IGSF11: variants seen among roughly 807,000 people sequenced by gnomAD.
IGSF11 encodes immunoglobulin superfamily member 11, also known as CXADR like 1.
In IGSF11, 22 loss-of-function variants were observed where a neutral mutation model predicts 41.0. The ratio of observed to expected loss-of-function variants is 0.54; its 90% CI spans 0.38 to 0.77. The LOEUF (loss-of-function observed/expected upper bound fraction) is 0.77, where lower values mean the gene tolerates loss of function less well. IGSF11 is among the 30% of genes least tolerant of loss of function. IGSF11 has a pLI of 0.00. For missense variants in IGSF11, 444 were observed against 530.8 expected (o/e 0.84, Z 1.61); for synonymous variants, 219 against 201.3 (o/e 1.09, Z -0.74).
chr3:118,959,577 A>G (rs1298217086), intron 1 of IGSF11, among the ~76,000 whole-genome samples: 1 of 152,238 alleles, frequency 6.6e-6, no homozygotes, highest in African/African-American at 2.4e-5. Flanking sequence ...GTCACTGTTG[A>G]ATTCACAGAA....
chr3:118,946,993 C>T (rs1944197846), intron 1 of IGSF11: 1 of 152,138 alleles, frequency 6.6e-6, no homozygotes, highest in African/African-American at 2.4e-5. Flanking sequence ...TAGTAATTTC[C>T]TTCCAAATAA....
At chr3:118,953,915 A>AAC in intron 1 of IGSF11, among the ~76,000 whole-genome samples, 2 of 152,060 alleles carry the variant, frequency 1.3e-5, no homozygotes, top group Non-Finnish European at 2.9e-5. Context: ...ATTAAGTCCC[A>AAC]TCTATTTATC....
chr3:118,985,424 C>T (rs1171302117), intron 1 of IGSF11, among the ~76,000 whole-genome samples: 5 of 152,182 alleles, frequency 3.3e-5, no homozygotes, highest in Admixed American at 3.3e-4. Flanking sequence ...TTGTTTCTAA[C>T]GTCACTGTCA....
chr3:119,140,622 A>AT (rs374473161), intron 1 of IGSF11, among the ~76,000 whole-genome samples: 30,283 of 152,176 alleles, frequency 0.2, 3,285 homozygotes, highest in South Asian at 0.29. Flanking sequence ...AACTAGACCT[A>AT]ACAGACTTCT....
At chr3:118,986,231 C>A (rs538353271) in intron 1 of IGSF11, among the ~76,000 whole-genome samples, 168 of 152,262 alleles carry the variant, frequency 1.1e-3, no homozygotes, top group Non-Finnish European at 2.2e-3. Context: ...GAGCAAGTGC[C>A]CTCTACCTTA....
At chr3:118,963,149 C>T (rs533700541) in intron 1 of IGSF11, among the ~76,000 whole-genome samples, 31 of 152,228 alleles carry the variant, frequency 2.0e-4, no homozygotes, top group South Asian at 1.0e-3. Flanking sequence ...CTGTCATACC[C>T]GCTTAAAATG....
At chr3:119,085,410 AC>A in intron 1 of IGSF11, among the ~76,000 whole-genome samples, 1 of 152,346 alleles carries the variant, frequency 6.6e-6, no homozygotes, top group Middle Eastern at 3.4e-3. Context: ...AATTTACACC[AC>A]AGTTAAGAAA....
In IGSF11 at chr3:119,034,548, A is replaced by G; in HGVS notation, c.35T>C (p.Leu12Pro). The part of the protein sequence containing the change: ...TSQRSPLAPL[L>P]LLSLHGVAAS... Reference sequence around the variant, plus strand: ...CTACTCACCGTGCAGAGAGAGGAGCAGCAAAGGCGCCAGAGGGGAACGCTG... The same window carrying G: ...CTACTCACCGTGCAGAGAGAGGAGCGGCAAAGGCGCCAGAGGGGAACGCTG... Residue 12 changes from leucine (L) to proline (P), a missense_variant, in exon 1 of 7, where the codon CTG becomes CCG. Leu to Pro is a moderately conservative substitution (Grantham distance 98). Coordinates refer to ENST00000393775, the MANE Select transcript of IGSF11 (RefSeq NM_001015887.3). 1 of 1,593,312 alleles carries G rather than the reference A, an allele frequency of 6.3e-7. No homozygotes were observed. Among genetic ancestry groups the G allele is most frequent in the Non-Finnish European group, 8.5e-7 (1 of 1,170,880 alleles).
At chr3:119,104,838 A>T (rs1380663418) in intron 1 of IGSF11, among the ~76,000 whole-genome samples, 1 of 152,066 alleles carries the variant, frequency 6.6e-6, no homozygotes, top group Non-Finnish European at 1.5e-5. Context: ...AGCTCTTAAC[A>T]CAGTGTGTTA....
intron 1 of IGSF11, among the ~76,000 whole-genome samples, chr3:119,143,244 A>C (rs895232796): frequency 9.2e-5 from 14 of 152,184 alleles, no homozygotes; most frequent in African/African-American, 3.4e-4. Flanking sequence ...TAAATGATGG[A>C]TGTACAAAAT....
At chr3:119,039,412 C>T (rs1475237628), upstream of IGSF11, among the ~76,000 whole-genome samples, 5 of 152,210 alleles carry the variant, frequency 3.3e-5, no homozygotes, top group Non-Finnish European at 7.4e-5. Flanking sequence ...TTCTCACCTC[C>T]TTCCACATTT....
In IGSF11 at chr3:118,907,370, C is replaced by T. The variant is rs554439383; in HGVS notation, c.581-1652G>A. Among the ~76,000 whole-genome samples, 102 of 152,276 alleles carry T rather than the reference C, an allele frequency of 6.7e-4. 1 individual carries two copies. In the South Asian group the frequency reaches 0.017, roughly 25 times the overall value. Reference sequence around the variant, plus strand: ...GATGGTGATAAAATAATGAACAAGACAGGCCCAGTCCCTTACCCTAATGAG... The same window carrying T: ...GATGGTGATAAAATAATGAACAAGATAGGCCCAGTCCCTTACCCTAATGAG... On this transcript the variant is annotated intron_variant, in intron 4 of 6. Coordinates refer to ENST00000393775, the MANE Select transcript of IGSF11 (RefSeq NM_001015887.3).
At position 118,911,354 on chromosome 3, in the gene IGSF11, T is replaced by A. The variant is rs147552011; in HGVS notation, c.581-5636A>T. 2.0e-3 allele frequency among the ~76,000 whole-genome samples: 307 copies of A among 152,282 alleles called. 3 individuals are homozygous for A. The highest frequency in any genetic ancestry group is 3.2e-3 in the Non-Finnish European group (219 of 68,016). On this transcript the variant is annotated intron_variant, in intron 4 of 6. Coordinates refer to ENST00000393775, the MANE Select transcript of IGSF11 (RefSeq NM_001015887.3). ...TCAGCACTTTTAGTGGGTGAAAATT[T>A]TCTGCTCCCCATGAAAAAAATTATG...
chr3:118,939,761 A>C (rs1943543293), intron 1 of IGSF11, among the ~76,000 whole-genome samples: 1 of 152,232 alleles, frequency 6.6e-6, no homozygotes, highest in Admixed American at 6.5e-5. Context: ...AAAAGAAGAA[A>C]GGTTTATAAT....
intron 1 of IGSF11, among the ~76,000 whole-genome samples, chr3:119,073,758 G>A (rs572614818): frequency 6.6e-6 from 1 of 152,278 alleles, no homozygotes; most frequent in East Asian, 1.9e-4. Context: ...ACTGCACACA[G>A]CCCCGGTTTC....
intron 1 of IGSF11, among the ~76,000 whole-genome samples, chr3:118,983,036 C>G (rs1275978185): frequency 6.6e-6 from 1 of 152,100 alleles, no homozygotes; most frequent in Non-Finnish European, 1.5e-5. Context: ...TTTAGTCTAC[C>G]AGTTAGAATA....
chr3:118,987,798 A>G (rs1401473373), intron 1 of IGSF11, among the ~76,000 whole-genome samples: 1 of 152,246 alleles, frequency 6.6e-6, no homozygotes, highest in Non-Finnish European at 1.5e-5. Context: ...AGGCACAGAC[A>G]GACGAATACC....
At chr3:118,945,832 T>G (rs1944084369) in intron 1 of IGSF11, 1 of 152,226 alleles carries the variant, frequency 6.6e-6, no homozygotes, top group South Asian at 2.1e-4. Context: ...CAATTCATCC[T>G]AATATGCTTA....
intron 1 of IGSF11, among the ~76,000 whole-genome samples, chr3:118,953,326 T>A (rs552350697): frequency 6.6e-6 from 1 of 152,354 alleles, no homozygotes; most frequent in South Asian, 2.1e-4. Context: ...GTTCCATATA[T>A]TTGCAATTAC....
Sources: allele counts gnomAD v4.1 joint callset (sites outside exome capture counted in the v4.1 genomes callset), GRCh38; gene constraint gnomAD v4.1.1; transcripts MANE v1.5; gene names NCBI Gene and HGNC (gene_info 2026-07-23, HGNC 2026-07-21).